AIMP1: variants seen among roughly 807,000 people sequenced by gnomAD.
The protein encoded by AIMP1 is aminoacyl tRNA synthetase complex interacting multifunctional protein 1.
In AIMP1, 24 loss-of-function variants were observed where a neutral mutation model predicts 33.1. The ratio of observed to expected loss-of-function variants is 0.73; its 90% CI spans 0.53 to 1.02. The LOEUF (loss-of-function observed/expected upper bound fraction) is 1.02. AIMP1 is among the 50% of genes least tolerant of loss of function. The probability of loss-of-function intolerance (pLI) is 0.00; values close to 1 mark genes in which losing one functional copy is unlikely to be tolerated. For synonymous variants in AIMP1, 120 were observed against 121.5 expected (o/e 0.99, Z 0.08); for missense variants, 367 against 364.8 (o/e 1.01, Z -0.05).
chr4:106,328,573 C>T (rs562058854), intron 4 of AIMP1, among the ~76,000 whole-genome samples: 3 of 152,212 alleles, frequency 2.0e-5, no homozygotes, highest in African/African-American at 7.2e-5. Context: ...AGAGAAGTCA[C>T]AGATAGGAAA....
chr4:106,327,606 A>G (rs1174017489), intron 3 of AIMP1, 42 bp downstream of exon 3: 2 of 1,458,228 alleles, frequency 1.4e-6, no homozygotes, highest in African/African-American at 1.4e-5. Context: ...GAAGTTAAGA[A>G]GTTGGCCAGT....
chr4:106,344,865 G>A (rs1405277218), intron 6 of AIMP1, among the ~76,000 whole-genome samples: 1 of 152,092 alleles, frequency 6.6e-6, no homozygotes, highest in Non-Finnish European at 1.5e-5. Flanking sequence ...GGGGTTTTTA[G>A]TTGGTATTTT....
chr4:106,338,814 C>G (rs1387300803), intron 6 of AIMP1, among the ~76,000 whole-genome samples: 1 of 152,212 alleles, frequency 6.6e-6, no homozygotes, highest in Non-Finnish European at 1.5e-5. Context: ...TGCAGACATT[C>G]AACTCCAGCC....
At chr4:106,326,708 A>T (rs1480033848) in intron 2 of AIMP1, among the ~76,000 whole-genome samples, 1 of 151,970 alleles carries the variant, frequency 6.6e-6, no homozygotes, top group Non-Finnish European at 1.5e-5. Flanking sequence ...TTTTTTTAAA[A>T]ATATATATAT....
intron 6 of AIMP1, among the ~76,000 whole-genome samples, chr4:106,337,916 G>T (rs914039525): frequency 5.3e-5 from 8 of 152,146 alleles, no homozygotes; most frequent in African/African-American, 1.9e-4. Flanking sequence ...GAGATGAGGA[G>T]CTTGTTGGGA....
At chr4:106,344,184 A>C (rs1579647639) in intron 6 of AIMP1, among the ~76,000 whole-genome samples, 2 of 151,814 alleles carry the variant, frequency 1.3e-5, no homozygotes, top group South Asian at 4.2e-4. Flanking sequence ...TTAGATTCTT[A>C]CTGTTATAGG....
chr4:106,338,073 G>A (rs886907430), intron 6 of AIMP1, among the ~76,000 whole-genome samples: 1 of 152,238 alleles, frequency 6.6e-6, no homozygotes, highest in Non-Finnish European at 1.5e-5. Context: ...AAGCATTTAA[G>A]AGGTGACTTG....
intron 4 of AIMP1, 147 bp from the exon 5 acceptor site, chr4:106,331,525 T>C: frequency 3.0e-6 from 2 of 675,832 alleles, no homozygotes; most frequent in Non-Finnish European, 2.5e-6. Flanking sequence ...AATTTTTTTC[T>C]TTGTTATTAT....
At position 106,349,249 on chromosome 4, in the gene AIMP1, A is replaced by T; in HGVS notation, c.*1557A>T. On this transcript the variant is annotated 3_prime_UTR_variant, in exon 7 of 7. Transcript: ENST00000672341. Reference sequence around the variant, plus strand: ...AAGTCTTTTGTGAGTTTTTTGCTCTAATTTTTCTCAATTATATTAAATTTC... The same window carrying T: ...AAGTCTTTTGTGAGTTTTTTGCTCTTATTTTTCTCAATTATATTAAATTTC... 6.6e-6 allele frequency: 1 copy of T among 151,774 alleles called. No individual in the cohort carries two copies. The allele number at this position is 151,774 out of a possible 1,614,324, so 9.4% of individuals were successfully genotyped here. A position where few individuals can be genotyped will look rare whatever the true frequency, so the allele number is the denominator to read the frequency against.
chr4:106,326,592 T>A (rs916243931), intron 2 of AIMP1, among the ~76,000 whole-genome samples: 1 of 152,226 alleles, frequency 6.6e-6, no homozygotes, highest in Non-Finnish European at 1.5e-5. Flanking sequence ...ATTGAATGTT[T>A]GATTAGCTTA....
chr4:106,329,811 A>C (rs1479495150), intron 4 of AIMP1, among the ~76,000 whole-genome samples: 3 of 100,684 alleles, frequency 3.0e-5, no homozygotes. Context: ...TTGGAGACGG[A>C]GTCTTGCTCT....
At chr4:106,336,482 T>C (rs1186533977) in intron 5 of AIMP1, among the ~76,000 whole-genome samples, 2 of 152,240 alleles carry the variant, frequency 1.3e-5, no homozygotes, top group African/African-American at 4.8e-5. Context: ...CATGTTATGA[T>C]TTAATCCTTA....
chr4:106,335,065 T>C (rs987017380), intron 5 of AIMP1, among the ~76,000 whole-genome samples: 1 of 152,302 alleles, frequency 6.6e-6, no homozygotes, highest in East Asian at 1.9e-4. Flanking sequence ...AGCCTGACAT[T>C]TTAATAGGAT....
intron 6 of AIMP1, among the ~76,000 whole-genome samples, chr4:106,342,969 A>G (rs1360983278): frequency 7.3e-6 from 1 of 136,612 alleles, no homozygotes; most frequent in Non-Finnish European, 1.5e-5. Flanking sequence ...CAGTGGCGTT[A>G]TCTTGGCCCA....
intron 1 of AIMP1, among the ~76,000 whole-genome samples, chr4:106,319,616 AAC>A (rs1769119673): frequency 6.6e-6 from 1 of 152,202 alleles, no homozygotes; most frequent in African/African-American, 2.4e-5. Context: ...ATCCTCACCA[AAC>A]ACAATTAACA....
chr4:106,316,611 C>A lies in AIMP1; in HGVS notation c.-26+17C>A. The A allele has an allele frequency of 6.5e-7, 1 of 1,550,326 alleles. No individual in the cohort carries two copies. The highest frequency in any genetic ancestry group is 8.7e-7 in the Non-Finnish European group (1 of 1,146,380). On this transcript the variant is annotated intron_variant, in intron 1 of 6. Coordinates refer to ENST00000672341, the MANE Select transcript of AIMP1 (RefSeq NM_001142416.2). ...CCGCTTCATGTGAGTGACGTCGTGG[C>A]GGGTCACTCACTCGGGGATCGCCGA...
intron 1 of AIMP1, among the ~76,000 whole-genome samples, chr4:106,317,971 C>T (rs2125917356): frequency 6.6e-6 from 1 of 152,158 alleles, no homozygotes; most frequent in African/African-American, 2.4e-5. Flanking sequence ...TTTATGGACT[C>T]TGTACTGGGG....
intron 1 of AIMP1, among the ~76,000 whole-genome samples, chr4:106,320,908 G>C (rs748835995): frequency 1.4e-4 from 22 of 152,084 alleles, no homozygotes; most frequent in Non-Finnish European, 2.5e-4. Flanking sequence ...CGCCACTCCT[G>C]ACTGGTTTTT....
chr4:106,318,935 T>C (rs1769091133), intron 1 of AIMP1, among the ~76,000 whole-genome samples: 1 of 152,146 alleles, frequency 6.6e-6, no homozygotes, highest in African/African-American at 2.4e-5. Flanking sequence ...GGTCAGTTGA[T>C]TCAATAGTGT....
Sources: gnomAD v4.1 joint callset for allele counts (sites outside exome capture counted in the v4.1 genomes callset) on GRCh38, gnomAD v4.1.1 for gene constraint, MANE v1.5 for transcripts, NCBI Gene and HGNC (gene_info 2026-07-23, HGNC 2026-07-21) for gene names.